FECH: variants seen among roughly 807,000 people sequenced by gnomAD.
The protein encoded by FECH is ferrochelatase, mitochondrial.
A neutral mutation model predicts 56.9 loss-of-function variants in FECH; 40 were observed. That is an observed-to-expected ratio of 0.70 (90% CI 0.55 to 0.92). FECH has a LOEUF of 0.92. Ranked by LOEUF, FECH falls within the 40% of genes least tolerant of loss-of-function variation. The pLI, the probability that FECH is intolerant of heterozygous loss-of-function variation, is 0.00. For missense variants in FECH, 431 were observed against 529.1 expected (o/e 0.81, Z 1.82); for synonymous variants, 175 against 198.6 (o/e 0.88, Z 1.00).
intron 6 of FECH, 119 bp downstream of exon 6, chr18:57,562,755 C>T: frequency 1.3e-6 from 1 of 750,986 alleles, no homozygotes; most frequent in South Asian, 1.5e-5. Flanking sequence ...TAATCCCAAA[C>T]ACACAATTTA....
At chr18:57,574,668 G>A (rs2051159281) in intron 2 of FECH, among the ~76,000 whole-genome samples, 1 of 152,282 alleles carries the variant, frequency 6.6e-6, no homozygotes, top group African/African-American at 2.4e-5. Flanking sequence ...AGGGCAAGGT[G>A]AAGTCGGAGC....
At position 57,545,084 on chromosome 18, in the gene FECH, G is replaced by A. The variant is rs13732; in HGVS notation, c.*5628C>T. Among the ~76,000 whole-genome samples the A allele has an allele frequency of 7.9e-5, 12 of 151,890 alleles. No homozygotes were observed. Among genetic ancestry groups the A allele is most frequent in the South Asian group, 2.1e-4 (1 of 4,822 alleles). Reference sequence around the variant, plus strand: ...TGACAGGAAAGTAAAGCTTTGACCCGCAGGGGAGACTGGAGAGGGGAAGTT... The same window carrying A: ...TGACAGGAAAGTAAAGCTTTGACCCACAGGGGAGACTGGAGAGGGGAAGTT... On this transcript the variant is annotated 3_prime_UTR_variant, in exon 11 of 11. Coordinates refer to ENST00000262093, the MANE Select transcript of FECH (RefSeq NM_000140.5).
chr18:57,554,360 C>T lies in FECH; in HGVS notation c.977G>A (p.Gly326Glu). Reference sequence around the variant, plus strand: ...CGGAACCAAGAGGATATTCTTCCTCCCCCTCTCACAAAGCCCTTTGATAGA... The same window carrying T: ...CGGAACCAAGAGGATATTCTTCCTCTCCCTCTCACAAAGCCCTTTGATAGA... ...DESIKGLCERGRKNILLVPIA... is the reference protein window; with the variant it reads ...DESIKGLCERERKNILLVPIA... Residue 326 changes from glycine (G) to glutamate (E), a missense_variant, in exon 9 of 11, where the codon GGG (glycine) becomes GAG (glutamate). Transcript: ENST00000262093. 6.2e-7 allele frequency: 1 copy of T among 1,614,192 alleles called. No homozygotes were observed. The highest frequency in any genetic ancestry group is 8.5e-7 in the Non-Finnish European group (1 of 1,180,026).
chr18:57,563,605 G>A (rs1009926908), intron 5 of FECH, among the ~76,000 whole-genome samples: 514 of 54,232 alleles, frequency 9.5e-3, no homozygotes, highest in East Asian at 0.013. Flanking sequence ...AAAAAAAAAA[G>A]TATGTTATTT....
At chr18:57,582,736 ACC>A (rs374555668) in intron 1 of FECH, among the ~76,000 whole-genome samples, 16,649 of 148,906 alleles carry the variant, frequency 0.11, 1,040 homozygotes, top group Non-Finnish European at 0.15. Context: ...ACACGGTGAA[ACC>A]CCATCTCTAC....
At chr18:57,551,523 T>C (rs1349985779) in intron 9 of FECH, 149 bp from the exon 10 acceptor site, 3 of 679,066 alleles carry the variant, frequency 4.4e-6, no homozygotes, top group Non-Finnish European at 7.9e-6. Context: ...TGCTCATTAA[T>C]GAAAAATACT....
chr18:57,566,880 T>A lies in FECH; in HGVS notation c.464-299A>T, dbSNP rs58442256. 0.097 allele frequency among the ~76,000 whole-genome samples: 14,732 copies of A among 152,030 alleles called. 868 individuals carry two copies. The highest frequency in any genetic ancestry group is 0.16 in the African/African-American group (6,531 of 41,434). On this transcript the variant is annotated intron_variant, in intron 4 of 10. Transcript: ENST00000262093. ...TGTTCTTGGCTGGCATAAGAGAGCC[T>A]CAAGAGAAAGGAGGAAAAAACAACA...
rs759619167 is a variant in FECH at position 57,554,420 on chromosome 18, C to G, written c.917G>C (p.Gly306Ala). 1 of 1,614,198 alleles carries G rather than the reference C, an allele frequency of 6.2e-7. No individual in the cohort carries two copies. Among genetic ancestry groups the G allele is most frequent in the Admixed American group, 1.7e-5 (1 of 60,030 alleles). Residue 306 changes from glycine to alanine, a missense_variant, in exon 9 of 11, where the codon GGT (glycine) becomes GCT (alanine). Coordinates refer to ENST00000262093, the MANE Select transcript of FECH (RefSeq NM_000140.5). ...TTGAGGACCCAACCAGGGCATTGGA[C>G]CAACCTATGCGAAAGATAGACGAAT... ...PYRLVWQSKV[G>A]PMPWLGPQTD...
rs2050739094 is a variant in FECH, at chr18:57,547,837, T to C, written c.*2875A>G. Reference sequence around the variant, plus strand: ...TTTTTGTAGAGTCAGGGTCTCCCTATGTTGCCCAGGCTGGTCTTGAACTCT... The same window carrying C: ...TTTTTGTAGAGTCAGGGTCTCCCTACGTTGCCCAGGCTGGTCTTGAACTCT... On this transcript the variant is annotated 3_prime_UTR_variant, in exon 11 of 11. Coordinates refer to ENST00000262093, the MANE Select transcript of FECH (RefSeq NM_000140.5). 1.3e-5 allele frequency among the ~76,000 whole-genome samples: 2 copies of C among 152,200 alleles called. No homozygotes were observed. The highest frequency in any genetic ancestry group is 1.3e-4 in the Admixed American group (2 of 15,274).
intron 5 of FECH, among the ~76,000 whole-genome samples, chr18:57,563,477 G>A (rs557340557): frequency 2.0e-5 from 3 of 149,230 alleles, no homozygotes; most frequent in East Asian, 4.1e-4. Context: ...CTACTCAGGA[G>A]GCTGAGGTAG....
chr18:57,560,083 C>G (rs1200657206), intron 6 of FECH, among the ~76,000 whole-genome samples: 2 of 152,168 alleles, frequency 1.3e-5, no homozygotes, highest in Non-Finnish European at 2.9e-5. Context: ...GGTCAACTGA[C>G]AAAATCAGAA....
chr18:57,576,004 C>T (rs1208053711), intron 2 of FECH, among the ~76,000 whole-genome samples: 1 of 152,156 alleles, frequency 6.6e-6, no homozygotes, highest in Non-Finnish European at 1.5e-5. Context: ...ACATCAATGC[C>T]TTCAACCGGG....
At chr18:57,570,030 G>C (rs1319834970) in intron 4 of FECH, among the ~76,000 whole-genome samples, 1 of 70,760 alleles carries the variant, frequency 1.4e-5, no homozygotes, top group Non-Finnish European at 3.2e-5. Context: ...TGTTGTTGTT[G>C]TCGTGTGTGT....
At chr18:57,570,060 T>TC (rs2051080135) in intron 4 of FECH, among the ~76,000 whole-genome samples, 2 of 111,926 alleles carry the variant, frequency 1.8e-5, no homozygotes, top group African/African-American at 2.8e-5. Flanking sequence ...TGTGTGTGTG[T>TC]GTGTGTGTGT....
At position 57,547,330 on chromosome 18, in the gene FECH, C is replaced by T. The variant is rs1026201240; in HGVS notation, c.*3382G>A. ...GGAATGATATGATTTGGCTCTGTTC[C>T]CCACCCAAATCTCATTTCAAATTGT... On this transcript the variant is annotated 3_prime_UTR_variant, in exon 11 of 11. Transcript: ENST00000262093. Among the ~76,000 whole-genome samples, 18 of 152,174 alleles carry T rather than the reference C, an allele frequency of 1.2e-4. No individual in the cohort carries two copies. The highest frequency in any genetic ancestry group is 4.3e-4 in the African/African-American group (18 of 41,510).
chr18:57,562,741 T>A, intron 6 of FECH, 133 bp downstream of exon 6: 1 of 698,158 alleles, frequency 1.4e-6, no homozygotes. Context: ...ATAATACTTT[T>A]ATTTAATCCC....
chr18:57,582,198 C>A (rs575868631), intron 1 of FECH, among the ~76,000 whole-genome samples: 1 of 152,120 alleles, frequency 6.6e-6, no homozygotes, highest in Non-Finnish European at 1.5e-5. Flanking sequence ...CACAGTTTGA[C>A]TGCTGGTACA....
intron 2 of FECH, among the ~76,000 whole-genome samples, chr18:57,577,322 CT>C (rs61533465): frequency 0.14 from 21,473 of 152,204 alleles, 1,721 homozygotes; most frequent in Non-Finnish European, 0.18. Context: ...ATATCTATGG[CT>C]GCTCTCACAC....
At chr18:57,576,225 G>C (rs777560572) in intron 2 of FECH, among the ~76,000 whole-genome samples, 1 of 152,122 alleles carries the variant, frequency 6.6e-6, no homozygotes, top group African/African-American at 2.4e-5. Context: ...TCCCCCTATT[G>C]AGAATCACTG....
Sources: allele counts gnomAD v4.1 joint callset (sites outside exome capture counted in the v4.1 genomes callset), GRCh38; gene constraint gnomAD v4.1.1; transcripts MANE v1.5; gene names NCBI Gene and HGNC (gene_info 2026-07-23, HGNC 2026-07-21).